TRPC5: variants seen among roughly 807,000 people sequenced by gnomAD.
TRPC5 encodes short transient receptor potential channel 5.
A neutral mutation model predicts 56.5 loss-of-function variants in TRPC5; 9 were observed. The ratio of observed to expected loss-of-function variants is 0.16; its 90% CI spans 0.10 to 0.28. The LOEUF is 0.28. Among genes scored for constraint, TRPC5 ranks in the 10% least tolerant of loss-of-function variants. The probability of loss-of-function intolerance (pLI) is 1.00; values close to 1 mark genes in which losing one functional copy is unlikely to be tolerated. For synonymous variants in TRPC5, 282 were observed against 278.5 expected, an observed-to-expected ratio of 1.01 and a Z score of -0.13; for missense variants, 469 against 748.9, an observed-to-expected ratio of 0.63 and a Z score of 4.36.
At position 112,007,015 on chromosome X, in the gene TRPC5, A is replaced by G. The variant is rs1928862252; in HGVS notation, c.-21-54574T>C. Reference sequence around the variant, plus strand: ...CTATGAAGCTAGTCCTGAAGATAGGAAGGCAGTCAAGAAGGTATCCAGTAT... The same window carrying G: ...CTATGAAGCTAGTCCTGAAGATAGGGAGGCAGTCAAGAAGGTATCCAGTAT... On this transcript the variant is annotated intron_variant, in intron 1 of 10. Transcript: ENST00000262839. Among the ~76,000 whole-genome samples, 3 of 111,606 alleles carry G rather than the reference A, an allele frequency of 2.7e-5. No individual in the cohort carries two copies. The South Asian group carries it at 1.1e-3, about 42-fold the overall frequency.
chrX:112,005,840 T>C (rs1339274507), intron 1 of TRPC5, among the ~76,000 whole-genome samples: 1 of 111,857 alleles, frequency 8.9e-6, no homozygotes, highest in African/African-American at 3.3e-5. Flanking sequence ...ATTGACCTGA[T>C]ATGATAGAGG....
chrX:111,906,837 A>C (rs1187440552), intron 3 of TRPC5, among the ~76,000 whole-genome samples: 1 of 111,540 alleles, frequency 9.0e-6, no homozygotes, highest in Non-Finnish European at 1.9e-5. Context: ...GCAAGTTGTC[A>C]TCAGGTATGG....
intron 3 of TRPC5, chrX:111,901,605 C>A: frequency 3.8e-6 from 1 of 261,083 alleles, no homozygotes; most frequent in Non-Finnish European, 6.7e-6. Flanking sequence ...AGCAGTTCAC[C>A]ATTAGTACAA....
At chrX:111,829,574 A>G (rs1453080264) in intron 7 of TRPC5, among the ~76,000 whole-genome samples, 3 of 112,219 alleles carry the variant, frequency 2.7e-5, no homozygotes, top group African/African-American at 9.7e-5. Flanking sequence ...TGCTGTATGC[A>G]GCCTAGGGAC....
chrX:111,832,628 GT>G (rs1262594675), intron 7 of TRPC5, among the ~76,000 whole-genome samples: 1 of 111,658 alleles, frequency 9.0e-6, no homozygotes, highest in Non-Finnish European at 1.9e-5. Context: ...TTTCCAAATG[GT>G]AAAAACACAC....
At chrX:111,805,962 T>A (rs1921494997) in intron 7 of TRPC5, among the ~76,000 whole-genome samples, 1 of 111,518 alleles carries the variant, frequency 9.0e-6, no homozygotes, top group African/African-American at 3.3e-5. Context: ...ACTTGGCCAA[T>A]ATTTTCTATA....
intron 2 of TRPC5, among the ~76,000 whole-genome samples, chrX:111,918,216 A>G (rs1926030309): frequency 9.0e-6 from 1 of 111,530 alleles, no homozygotes; most frequent in South Asian, 3.8e-4. Flanking sequence ...GGAGGAAAAA[A>G]GGTGAGTTGA....
intron 2 of TRPC5, among the ~76,000 whole-genome samples, chrX:111,926,020 T>C (rs1457222108): frequency 8.9e-6 from 1 of 112,184 alleles, no homozygotes; most frequent in African/African-American, 3.2e-5. Context: ...TACCCCAGAA[T>C]TGATAGCCAA....
intron 1 of TRPC5, among the ~76,000 whole-genome samples, chrX:111,958,705 G>A (rs1163919927): frequency 1.8e-5 from 2 of 112,032 alleles, no homozygotes; most frequent in Admixed American, 1.9e-4. Context: ...CTACAAATCC[G>A]AGAAATTCAA....
chrX:111,867,525 C>T (rs7057363), intron 3 of TRPC5, among the ~76,000 whole-genome samples: 11,024 of 111,320 alleles, frequency 0.099, 1,297 homozygotes, highest in African/African-American at 0.33. Context: ...TGCTTTTTCC[C>T]TGTGGTACCT....
chrX:111,786,848 T>A (rs930917659), intron 7 of TRPC5, among the ~76,000 whole-genome samples: 2 of 111,815 alleles, frequency 1.8e-5, no homozygotes, highest in African/African-American at 6.5e-5. Context: ...AAGGGATCAA[T>A]TCAACAAGAA....
At chrX:112,068,538 C>T (rs956347218) in intron 1 of TRPC5, among the ~76,000 whole-genome samples, 1 of 112,021 alleles carries the variant, frequency 8.9e-6, no homozygotes, top group Non-Finnish European at 1.9e-5. Context: ...GCTACAGGGG[C>T]AAACAAAGAG....
chrX:111,924,219 C>A (rs1222224985), intron 2 of TRPC5, among the ~76,000 whole-genome samples: 1 of 111,511 alleles, frequency 9.0e-6, no homozygotes, highest in Non-Finnish European at 1.9e-5. Context: ...TAAATAAACA[C>A]TTCTTATTTT....
intron 1 of TRPC5, among the ~76,000 whole-genome samples, chrX:111,997,809 C>T (rs937326758): frequency 3.6e-5 from 4 of 110,386 alleles, no homozygotes; most frequent in Non-Finnish European, 7.5e-5. Context: ...GCATGCGTCA[C>T]GAAGTTCTCA....
chrX:111,941,200 A>C (rs1386823336), intron 2 of TRPC5, among the ~76,000 whole-genome samples: 3 of 111,572 alleles, frequency 2.7e-5, no homozygotes, highest in Non-Finnish European at 5.7e-5. Flanking sequence ...TCTTTTCTGG[A>C]GGTTATTCTT....
At chrX:111,980,638 A>G (rs1928052652) in intron 1 of TRPC5, among the ~76,000 whole-genome samples, 1 of 110,407 alleles carries the variant, frequency 9.1e-6, no homozygotes, top group African/African-American at 3.3e-5. Flanking sequence ...AATATCAACC[A>G]ATGTTCATAT....
intron 1 of TRPC5, among the ~76,000 whole-genome samples, chrX:112,016,981 GTTGT>G (rs774699300): frequency 2.1e-4 from 23 of 111,895 alleles, no homozygotes; most frequent in African/African-American, 7.5e-4. Flanking sequence ...CGTGGCAGTT[GTTGT>G]TTATCATTAT....
chrX:111,811,596 G>T (rs983260304), intron 7 of TRPC5, among the ~76,000 whole-genome samples: 1 of 111,294 alleles, frequency 9.0e-6, no homozygotes, highest in African/African-American at 3.3e-5. Context: ...CAGAGGTTTT[G>T]GGGGGGAGTC....
At chrX:111,894,108 G>A (rs934080773) in intron 3 of TRPC5, among the ~76,000 whole-genome samples, 7 of 111,412 alleles carry the variant, frequency 6.3e-5, no homozygotes, top group Non-Finnish European at 9.4e-5. Context: ...TTGTAAATAG[G>A]AATCTGGCAC....
Sources: gnomAD v4.1 joint callset for allele counts (sites outside exome capture counted in the v4.1 genomes callset) on GRCh38, gnomAD v4.1.1 for gene constraint, MANE v1.5 for transcripts, NCBI Gene and HGNC (gene_info 2026-07-23, HGNC 2026-07-21) for gene names.